The following HDC variants were observed in gnomAD, a reference collection of about 807,000 sequenced individuals.
HDC encodes histidine decarboxylase.
Under a neutral mutation model 64.4 loss-of-function variants are expected in HDC, and 27 were observed. That is an observed-to-expected ratio of 0.42 (90% CI 0.31 to 0.58). HDC has a LOEUF of 0.58. Ranked by LOEUF, HDC falls within the 20% of genes least tolerant of loss-of-function variation. HDC has a pLI of 0.16. For synonymous variants in HDC, 305 were observed against 314.2 expected (o/e 0.97, Z 0.31); for missense variants, 711 against 833.9 (o/e 0.85, Z 1.81).
intron 9 of HDC, among the ~76,000 whole-genome samples, chr15:50,250,737 T>A (rs2045543407): frequency 6.6e-6 from 1 of 152,224 alleles, no homozygotes; most frequent in South Asian, 2.1e-4. Context: ...CTGGAATTTT[T>A]TTAATTTTTC....
At chr15:50,260,753 C>A (rs1358382571) in intron 2 of HDC, among the ~76,000 whole-genome samples, 3 of 152,200 alleles carry the variant, frequency 2.0e-5, no homozygotes, top group Non-Finnish European at 1.5e-5. Context: ...TGTGGTCACA[C>A]ATACCCCATA....
intron 6 of HDC, 176 bp from the exon 7 acceptor site, chr15:50,253,842 T>C (rs2045590597): frequency 1.5e-6 from 1 of 683,676 alleles, no homozygotes; most frequent in African/African-American, 1.8e-5. Flanking sequence ...AACAATCTAG[T>C]ACATGTATAC....
At position 50,258,495 on chromosome 15, in the gene HDC, T is replaced by C. The variant is rs2045661682; in HGVS notation, c.227A>G (p.His76Arg). 2 of 1,612,720 alleles carry C rather than the reference T, an allele frequency of 1.2e-6. No homozygotes were observed. Among genetic ancestry groups the C allele is most frequent in the Non-Finnish European group, 1.7e-6 (2 of 1,178,894 alleles). The part of the protein sequence containing the change: ...MPGVVHWQSP[H>R]MHAYYPALTS... The stretch of plus-strand genomic sequence containing the variant: ...GAGGGCTGGGTAGTAGGCGTGCATA[T>C]GGGGGCTCTGCCAATGTACCACCTG... The change falls in exon 3 of 12, where the codon CAT becomes CGT. Residue 76 changes from histidine to arginine, a missense_variant. His to Arg is a conservative substitution (Grantham distance 29, BLOSUM62 0). Around this residue, in one of 3 missense-constraint regions of HDC, gnomAD observed 225 missense variants for 276.2 expected, o/e 0.81. Coordinates refer to ENST00000267845, the MANE Select transcript of HDC (RefSeq NM_002112.4).
intron 1 of HDC, among the ~76,000 whole-genome samples, chr15:50,265,024 A>C (rs964930336): frequency 6.6e-6 from 1 of 152,258 alleles, no homozygotes; most frequent in African/African-American, 2.4e-5. Flanking sequence ...TTATAGAAAT[A>C]GACATTCAAG....
At chr15:50,254,806 G>A (rs1437330579) in intron 4 of HDC, 142 bp from the exon 5 acceptor site, 3 of 878,238 alleles carry the variant, frequency 3.4e-6, no homozygotes, top group African/African-American at 3.3e-5. Flanking sequence ...GTATGTGTGT[G>A]TCATAGCTAT....
intron 9 of HDC, among the ~76,000 whole-genome samples, chr15:50,249,830 G>T (rs976810829): frequency 6.6e-6 from 1 of 152,138 alleles, no homozygotes; most frequent in Non-Finnish European, 1.5e-5. Flanking sequence ...ATTTTATTTT[G>T]ATTTCTTCAC....
At chr15:50,254,015 A>G (rs2045593074) in intron 6 of HDC, 115 bp downstream of exon 6, 3 of 1,096,610 alleles carry the variant, frequency 2.7e-6, no homozygotes, top group African/African-American at 3.1e-5. Context: ...AAAATACTGT[A>G]TGGGAGGACC....
Position 50,242,545 on chromosome 15 carries a change from G to A in HDC, c.1704C>T (p.Phe568=), listed in dbSNP as rs768113768. The change falls in exon 12 of 12, where the codon TTC becomes TTT. Residue 568 remains phenylalanine (F), a synonymous_variant. Transcript: ENST00000267845. ...PDATKHKLSS[F]LFSYLSVQTK... ...TCTGCACAGACAAGTAACTGAACAGGAAGGAGGACAGCTTGTGCTTGGTGG... is the reference window on the plus strand; with the variant it reads ...TCTGCACAGACAAGTAACTGAACAGAAAGGAGGACAGCTTGTGCTTGGTGG... 10 of 1,614,194 alleles carry A rather than the reference G, an allele frequency of 6.2e-6. No individual in the cohort carries two copies. In the Admixed American group the frequency reaches 8.3e-5, roughly 13 times the overall value.
At chr15:50,243,615 C>G (rs7163360) in intron 10 of HDC, among the ~76,000 whole-genome samples, 1 of 152,198 alleles carries the variant, frequency 6.6e-6, no homozygotes, top group East Asian at 1.9e-4. Flanking sequence ...CCATGCTCTG[C>G]GTTCCCAGCC....
At position 50,258,426 on chromosome 15, in the gene HDC, A is replaced by G. The variant is rs751002474; in HGVS notation, c.296T>C (p.Ile99Thr). 3.1e-6 allele frequency: 5 copies of G among 1,611,972 alleles called. No homozygotes were observed. The highest frequency in any genetic ancestry group is 3.4e-6 in the Non-Finnish European group (4 of 1,178,172). ...SLLGDMLADA[I>T]NCLGFTWASS... Reference sequence around the variant, plus strand: ...CACCCAGGTGAATCCCAAGCAGTTGATGGCATCAGCCAGCATGTCTCCTAG... The same window carrying G: ...CACCCAGGTGAATCCCAAGCAGTTGGTGGCATCAGCCAGCATGTCTCCTAG... Residue 99 changes from isoleucine (I) to threonine (T), a missense_variant, in exon 3 of 12, where the codon ATC becomes ACC. By Grantham distance (89) the Ile-to-Thr change is moderately conservative. Transcript: ENST00000267845.
intron 10 of HDC, among the ~76,000 whole-genome samples, chr15:50,243,916 AATGGTG>A (rs2045441106): frequency 6.6e-6 from 1 of 152,254 alleles, no homozygotes; most frequent in Admixed American, 6.5e-5. Flanking sequence ...TTCTGGAAAT[AATGGTG>A]ATGGTCACAC....
intron 10 of HDC, among the ~76,000 whole-genome samples, chr15:50,243,890 C>T (rs774031245): frequency 1.3e-5 from 2 of 152,116 alleles, no homozygotes; most frequent in African/African-American, 2.4e-5. Context: ...AGTTTCTGCT[C>T]GGGATGATGA....
chr15:50,253,759 C>G (rs2045589464), intron 6 of HDC, 93 bp from the exon 7 acceptor site: 3 of 928,548 alleles, frequency 3.2e-6, no homozygotes, highest in South Asian at 2.6e-5. Context: ...TGATCTACTC[C>G]CATCCATCCC....
chr15:50,260,597 G>C (rs1372556470), intron 2 of HDC, among the ~76,000 whole-genome samples: 4 of 152,214 alleles, frequency 2.6e-5, no homozygotes, highest in African/African-American at 9.7e-5. Context: ...TTTTCACCAT[G>C]TAAGAGTCAT....
Position 50,263,222 on chromosome 15 carries a change from C to A in HDC, c.204+13G>T. On this transcript the variant is annotated intron_variant, in intron 2 of 11. Coordinates refer to ENST00000267845, the MANE Select transcript of HDC (RefSeq NM_002112.4). The stretch of plus-strand genomic sequence containing the variant: ...TGAAATCCAGAACTGCCCTTGTGGT[C>A]ACTGTGTCTCACCCCAGGCATGATG... 6.2e-7 allele frequency: 1 copy of A among 1,613,936 alleles called. No individual in the cohort carries two copies. The highest frequency in any genetic ancestry group is 1.1e-5 in the South Asian group (1 of 91,040).
Position 50,248,157 on chromosome 15 carries a change from G to T in HDC, c.1140+88C>A, listed in dbSNP as rs949181814. 4 of 892,008 alleles carry T rather than the reference G, an allele frequency of 4.5e-6. No homozygotes were observed. The highest frequency in any genetic ancestry group is 3.9e-5 in the Admixed American group (2 of 51,530). 55.3% of individuals were successfully genotyped at this position (892,008 alleles called of 1,614,324 possible). ...TGAACCACACACCGCAAGTCTCCTA[G>T]GCAGATCTGCAAAGTAGAAACCAGC... On this transcript the variant is annotated intron_variant, in intron 10 of 11. Coordinates refer to ENST00000267845, the MANE Select transcript of HDC (RefSeq NM_002112.4). The surrounding 1 kb of genome is among the most constrained non-coding windows in gnomAD (Gnocchi z 4.3).
At chr15:50,252,915 A>C (rs2045577644) in intron 7 of HDC, 141 bp from the exon 8 acceptor site, 1 of 777,640 alleles carries the variant, frequency 1.3e-6, no homozygotes, top group African/African-American at 1.7e-5. Context: ...AGATGGGAGC[A>C]GGTGGAGTCA....
chr15:50,256,359 A>G (rs2045631311), intron 4 of HDC, among the ~76,000 whole-genome samples: 1 of 152,162 alleles, frequency 6.6e-6, no homozygotes. Context: ...GACCTAGTGA[A>G]CTTCCTGGTT....
intron 2 of HDC, among the ~76,000 whole-genome samples, 174 bp downstream of exon 2, chr15:50,263,061 C>T (rs1021756600): frequency 1.3e-5 from 2 of 152,198 alleles, no homozygotes; most frequent in Non-Finnish European, 2.9e-5. Context: ...AACCTAATAC[C>T]AGTCAAAGTC....
Sources: gnomAD v4.1 joint callset for allele counts (sites outside exome capture counted in the v4.1 genomes callset) on GRCh38, gnomAD v4.1.1 for gene constraint, gnomAD v4.1.1 regional missense constraint, Gnocchi (gnomAD v3.1) non-coding constraint, MANE v1.5 for transcripts, NCBI Gene and HGNC (gene_info 2026-07-23, HGNC 2026-07-21) for gene names.